Variants in MCTP1 observed in about 807,000 individuals in gnomAD.
MCTP1 encodes the protein multiple C2 and transmembrane domain containing 1.
In MCTP1, 69 loss-of-function variants were observed where a neutral mutation model predicts 120.6. The observed-to-expected ratio is 0.57, with a 90% CI of 0.47 to 0.70. The LOEUF (loss-of-function observed/expected upper bound fraction) is 0.70. Among genes scored for constraint, MCTP1 ranks in the 30% least tolerant of loss-of-function variants. MCTP1 has a pLI of 0.00. For missense variants in MCTP1, 1,203 were observed against 1,248.8 expected (o/e 0.96, Z 0.55); for synonymous variants, 529 against 493.1 (o/e 1.07, Z -0.96).
At chr5:94,707,812 T>TA (rs1305130418) in intron 22 of MCTP1, among the ~76,000 whole-genome samples, 1 of 151,916 alleles carries the variant, frequency 6.6e-6, no homozygotes, top group East Asian at 1.9e-4. Flanking sequence ...TATAACACAT[T>TA]ACATTAAAAG....
intron 1 of MCTP1, among the ~76,000 whole-genome samples, chr5:95,060,539 A>G (rs925268553): frequency 7.2e-5 from 11 of 152,222 alleles, no homozygotes; most frequent in African/African-American, 2.4e-4. Flanking sequence ...TTGCAGATAT[A>G]CCAAAGAAAG....
intron 17 of MCTP1, among the ~76,000 whole-genome samples, chr5:94,806,320 AC>A (rs1782273337): frequency 3.3e-5 from 5 of 152,192 alleles, no homozygotes; most frequent in Admixed American, 2.6e-4. Context: ...GATTAAACAA[AC>A]AAACAAAAAT....
intron 1 of MCTP1, among the ~76,000 whole-genome samples, chr5:95,236,083 A>G (rs1204297828): frequency 6.6e-6 from 1 of 152,228 alleles, no homozygotes; most frequent in Non-Finnish European, 1.5e-5. Context: ...AACTGGAAGA[A>G]CACGGTCACA....
intron 18 of MCTP1, among the ~76,000 whole-genome samples, chr5:94,784,152 T>G (rs930726516): frequency 2.0e-5 from 3 of 152,092 alleles, no homozygotes; most frequent in Non-Finnish European, 2.9e-5. Flanking sequence ...CATCCAAACT[T>G]GTACAGATGC....
intron 17 of MCTP1, chr5:94,867,332 GAC>G: frequency 3.3e-6 from 5 of 1,533,150 alleles, no homozygotes; most frequent in Non-Finnish European, 4.4e-6. Context: ...AAGGGACGTA[GAC>G]ACTCTTTGTT....
chr5:94,924,596 A>C (rs1256508876), intron 6 of MCTP1, among the ~76,000 whole-genome samples: 1 of 152,230 alleles, frequency 6.6e-6, no homozygotes, highest in Admixed American at 6.5e-5. Flanking sequence ...GACTAAAAGC[A>C]ATGCAATGGA....
chr5:94,904,083 A>G (rs1434779622), intron 10 of MCTP1, among the ~76,000 whole-genome samples: 1 of 152,218 alleles, frequency 6.6e-6, no homozygotes, highest in African/African-American at 2.4e-5. Context: ...GATTAACATT[A>G]TTTCACCTTC....
intron 1 of MCTP1, among the ~76,000 whole-genome samples, chr5:95,091,058 C>G (rs965802440): frequency 6.6e-6 from 1 of 152,132 alleles, no homozygotes; most frequent in Admixed American, 6.5e-5. Context: ...TGGAGATGCT[C>G]CTGGTACCTC....
At chr5:95,042,160 C>T (rs1011216421) in intron 1 of MCTP1, among the ~76,000 whole-genome samples, 11 of 152,306 alleles carry the variant, frequency 7.2e-5, no homozygotes, top group African/African-American at 2.6e-4. Flanking sequence ...TATTCACACA[C>T]ATTTTAATAG....
At chr5:94,851,584 A>C (rs1369779848) in intron 17 of MCTP1, among the ~76,000 whole-genome samples, 2 of 152,102 alleles carry the variant, frequency 1.3e-5, no homozygotes, top group Non-Finnish European at 2.9e-5. Context: ...CTCAGGTTGC[A>C]TAAGGAAAGA....
At position 94,905,970 on chromosome 5, in the gene MCTP1, G is replaced by GA. The variant is rs201831803; in HGVS notation, c.1652+3280dup. ...CAAGAAAGAGCATGCAGTGAGGTAA[G>GA]AAAAAAACAAGGAGCATGCGGTGTC... On this transcript the variant is annotated intron_variant, in intron 10 of 22. Transcript: ENST00000515393. Among the ~76,000 whole-genome samples, 1,418 of 152,128 alleles carry GA rather than the reference G, an allele frequency of 9.3e-3. 18 individuals are homozygous for GA. The highest frequency in any genetic ancestry group is 0.031 in the African/African-American group (1,284 of 41,484).
chr5:95,208,139 G>A (rs990361595), intron 1 of MCTP1, among the ~76,000 whole-genome samples: 4 of 152,174 alleles, frequency 2.6e-5, no homozygotes, highest in African/African-American at 7.2e-5. Context: ...GCCCAGGCTG[G>A]AGTGCAATGG....
At chr5:95,128,041 C>G (rs1758763115) in intron 1 of MCTP1, among the ~76,000 whole-genome samples, 1 of 152,178 alleles carries the variant, frequency 6.6e-6, no homozygotes, top group African/African-American at 2.4e-5. Flanking sequence ...AGGAAAACGA[C>G]TTGCCTAGAT....
intron 18 of MCTP1, among the ~76,000 whole-genome samples, chr5:94,790,956 C>T (rs1310389371): frequency 2.0e-5 from 3 of 151,888 alleles, no homozygotes; most frequent in Non-Finnish European, 4.4e-5. Flanking sequence ...TTAGGATTTT[C>T]TTTATAGTAT....
chr5:94,756,331 A>G (rs551654979), intron 19 of MCTP1, among the ~76,000 whole-genome samples: 22 of 152,300 alleles, frequency 1.4e-4, no homozygotes, highest in African/African-American at 5.3e-4. Flanking sequence ...GTTGGCAGCA[A>G]TTGTAAGATG....
At chr5:94,826,473 T>G in intron 17 of MCTP1, 1 of 692,410 alleles carries the variant, frequency 1.4e-6, no homozygotes. Flanking sequence ...CAGCTTTTCT[T>G]GTCATCCTCG....
At position 94,779,079 on chromosome 5, in the gene MCTP1, C is replaced by T. The variant is rs1406727840; in HGVS notation, c.2610+31G>A. On this transcript the variant is annotated intron_variant, in intron 19 of 22. Transcript: ENST00000515393. ...TGTCATGTCTACATTTCCCCATCCC[C>T]AGGTACCCAAGTGCTGGGAAAGATA... The T allele has an allele frequency of 3.4e-5, 54 of 1,587,360 alleles. No individual in the cohort carries two copies. In the East Asian group the frequency reaches 1.2e-3, roughly 35 times the overall value.
chr5:95,002,279 C>T (rs1037699807), intron 2 of MCTP1, among the ~76,000 whole-genome samples: 3 of 152,178 alleles, frequency 2.0e-5, no homozygotes, highest in East Asian at 1.9e-4. Context: ...GTTGGAGCCT[C>T]GACACAGAGT....
chr5:95,005,516 C>T (rs1834540130), intron 2 of MCTP1, among the ~76,000 whole-genome samples: 1 of 152,094 alleles, frequency 6.6e-6, no homozygotes, highest in Non-Finnish European at 1.5e-5. Context: ...AAGGAGGGAG[C>T]TGGTGGGTGG....
Sources: gnomAD v4.1 joint callset for allele counts (sites outside exome capture counted in the v4.1 genomes callset) on GRCh38, gnomAD v4.1.1 for gene constraint, MANE v1.5 for transcripts, NCBI Gene and HGNC (gene_info 2026-07-23, HGNC 2026-07-21) for gene names.